ZNF804B: variants seen among roughly 807,000 people sequenced by gnomAD.
The protein encoded by ZNF804B is zinc finger protein 804B, also known as zinc finger 804B.
ZNF804B carries 80 observed loss-of-function variants against 101.4 expected under a neutral mutation model. The observed-to-expected ratio is 0.79, with a 90% CI of 0.66 to 0.95. The LOEUF is 0.95. Ranked by LOEUF, ZNF804B falls within the 40% of genes least tolerant of loss-of-function variation. The probability of loss-of-function intolerance (pLI) is 0.00; values close to 1 mark genes in which losing one functional copy is unlikely to be tolerated. For synonymous variants in ZNF804B, 622 were observed against 558.8 expected (o/e 1.11, Z -1.59); for missense variants, 1,673 against 1,561.9 (o/e 1.07, Z -1.20).
intron 1 of ZNF804B, among the ~76,000 whole-genome samples, chr7:89,078,606 A>T (rs895982357): frequency 2.0e-5 from 3 of 151,580 alleles, no homozygotes; most frequent in Non-Finnish European, 4.4e-5. Context: ...AGGGCAATAT[A>T]AAAAAAACAC....
At chr7:89,067,046 C>T (rs1789464849) in intron 1 of ZNF804B, among the ~76,000 whole-genome samples, 2 of 152,178 alleles carry the variant, frequency 1.3e-5, no homozygotes, top group Admixed American at 6.6e-5. Context: ...AGCTTCACAT[C>T]TCATAAAATT....
intron 1 of ZNF804B, among the ~76,000 whole-genome samples, chr7:88,844,735 A>T (rs80300846): frequency 0.026 from 3,935 of 152,242 alleles, 131 homozygotes; most frequent in African/African-American, 0.073. Context: ...GCTGTGAAAA[A>T]TGCAATTGGA....
chr7:89,135,156 A>G (rs1790612356), intron 1 of ZNF804B, among the ~76,000 whole-genome samples: 1 of 152,130 alleles, frequency 6.6e-6, no homozygotes, highest in African/African-American at 2.4e-5. Context: ...TTTCTTTTCC[A>G]TGACTGACTT....
At chr7:88,846,417 A>G (rs1175948499) in intron 1 of ZNF804B, among the ~76,000 whole-genome samples, 1 of 152,196 alleles carries the variant, frequency 6.6e-6, no homozygotes, top group Non-Finnish European at 1.5e-5. Flanking sequence ...GAGGAATGAA[A>G]AGTGGGGGAT....
chr7:88,860,802 C>G (rs1791633693), intron 1 of ZNF804B, among the ~76,000 whole-genome samples: 1 of 152,082 alleles, frequency 6.6e-6, no homozygotes, highest in Non-Finnish European at 1.5e-5. Flanking sequence ...TTGTTTAAAG[C>G]AGTGTACCTC....
rs573216868 is a variant in ZNF804B, at chr7:89,070,177, C to T, written c.109-147978C>T. On this transcript the variant is annotated intron_variant, in intron 1 of 3. Coordinates refer to ENST00000333190, the MANE Select transcript of ZNF804B (RefSeq NM_181646.5). ...GTGGCAAGGCACATTAGAAGGTAAC[C>T]TTACTTGCAGGAGTAGATGGCAGAT... 3.3e-5 allele frequency among the ~76,000 whole-genome samples: 5 copies of T among 152,292 alleles called. No homozygotes were observed. The East Asian group carries it at 7.7e-4, about 24-fold the overall frequency.
intron 2 of ZNF804B, among the ~76,000 whole-genome samples, chr7:89,278,726 C>T (rs1790030246): frequency 6.7e-6 from 1 of 149,620 alleles, no homozygotes; most frequent in Non-Finnish European, 1.5e-5. Context: ...GTTTTGGTAC[C>T]AGTACCATGC....
At chr7:89,181,514 T>A (rs1234568594) in intron 1 of ZNF804B, among the ~76,000 whole-genome samples, 1 of 152,112 alleles carries the variant, frequency 6.6e-6, no homozygotes, top group Non-Finnish European at 1.5e-5. Flanking sequence ...CCCTGCAGTC[T>A]CCCTTCCCCA....
intron 2 of ZNF804B, among the ~76,000 whole-genome samples, chr7:89,326,032 C>A (rs1790889724): frequency 6.6e-6 from 1 of 151,956 alleles, no homozygotes; most frequent in South Asian, 2.1e-4. Context: ...CCAAGGCTAT[C>A]CACGCTTTAA....
intron 2 of ZNF804B, among the ~76,000 whole-genome samples, chr7:89,322,368 T>C (rs1050615183): frequency 6.6e-6 from 1 of 152,168 alleles, no homozygotes; most frequent in Non-Finnish European, 1.5e-5. Context: ...GTCCAAGACC[T>C]GACATCATGC....
chr7:89,038,046 C>T (rs1584088878), intron 1 of ZNF804B, among the ~76,000 whole-genome samples: 1 of 152,242 alleles, frequency 6.6e-6, no homozygotes, highest in South Asian at 2.1e-4. Context: ...CACACACATG[C>T]ATATCATATT....
At chr7:88,862,018 A>G (rs1791656716) in intron 1 of ZNF804B, among the ~76,000 whole-genome samples, 2 of 152,098 alleles carry the variant, frequency 1.3e-5, no homozygotes, top group African/African-American at 4.8e-5. Flanking sequence ...CCATCTGCCA[A>G]CCTCACTAGC....
intron 1 of ZNF804B, among the ~76,000 whole-genome samples, chr7:89,141,892 TATAATAATA>T (rs67661420): frequency 2.0e-5 from 3 of 148,026 alleles, no homozygotes; most frequent in Admixed American, 1.4e-4. Context: ...AGAAAAAATA[TATAATAATA>T]ATAATAATAA....
At chr7:88,959,861 T>C (rs900301149) in intron 1 of ZNF804B, among the ~76,000 whole-genome samples, 1 of 151,464 alleles carries the variant, frequency 6.6e-6, no homozygotes, top group Admixed American at 6.6e-5. Flanking sequence ...GGAAACCTTT[T>C]ACAGGTCATG....
chr7:88,956,753 T>C (rs1164952124), intron 1 of ZNF804B, among the ~76,000 whole-genome samples: 1 of 151,460 alleles, frequency 6.6e-6, no homozygotes, highest in Non-Finnish European at 1.5e-5. Flanking sequence ...CATGTTAATA[T>C]AAAATGTTAT....
chr7:88,877,007 A>AAAAATATATATATATATAATATATAT (rs1487886166), intron 1 of ZNF804B, among the ~76,000 whole-genome samples: 1 of 75,216 alleles, frequency 1.3e-5, no homozygotes, highest in African/African-American at 9.4e-5. Flanking sequence ...TGAAAAAAAA[A>AAAAATATATATATATATAATATATAT]ATATATATAT....
chr7:88,938,171 A>G (rs902071455), intron 1 of ZNF804B, among the ~76,000 whole-genome samples: 2 of 152,012 alleles, frequency 1.3e-5, no homozygotes, highest in African/African-American at 4.8e-5. Flanking sequence ...CTGGTTGACA[A>G]TTGGTTGAGT....
At chr7:88,974,646 A>G (rs1474638775) in intron 1 of ZNF804B, among the ~76,000 whole-genome samples, 2 of 151,290 alleles carry the variant, frequency 1.3e-5, no homozygotes, top group Admixed American at 1.3e-4. Flanking sequence ...AAATTTTAAA[A>G]TTATTTTTAA....
chr7:89,142,269 T>G (rs904281788), intron 1 of ZNF804B, among the ~76,000 whole-genome samples: 53 of 151,772 alleles, frequency 3.5e-4, no homozygotes, highest in African/African-American at 1.0e-3. Context: ...CTTTTTTGTT[T>G]GTTTGTTTTT....
Sources: gnomAD v4.1 joint callset for allele counts (sites outside exome capture counted in the v4.1 genomes callset) on GRCh38, gnomAD v4.1.1 for gene constraint, MANE v1.5 for transcripts, NCBI Gene and HGNC (gene_info 2026-07-23, HGNC 2026-07-21) for gene names.